SH3BGR: variants seen among roughly 807,000 people sequenced by gnomAD.
SH3BGR encodes the protein SH3 domain binding glutamate rich protein.
A neutral mutation model predicts 24.5 loss-of-function variants in SH3BGR; 29 were observed. The ratio of observed to expected loss-of-function variants is 1.18; its 90% confidence interval spans 0.88 to 1.61. The LOEUF (loss-of-function observed/expected upper bound fraction) is 1.61. Ranked by LOEUF, SH3BGR falls within the 40% of genes most tolerant of loss-of-function variation. The probability of loss-of-function intolerance (pLI) is 0.00; values close to 1 mark genes in which losing one functional copy is unlikely to be tolerated. For missense variants in SH3BGR, 162 were observed against 205.8 expected, an observed-to-expected ratio of 0.79 and a Z score of 1.30; for synonymous variants, 55 against 65.7, an observed-to-expected ratio of 0.84 and a Z score of 0.79.
At chr21:39,508,158 C>T (rs112926372) in intron 4 of SH3BGR, among the ~76,000 whole-genome samples, 13,101 of 152,186 alleles carry the variant, frequency 0.086, 821 homozygotes, top group African/African-American at 0.17. Flanking sequence ...CAGTGCCCCC[C>T]GTCCATGATT....
intron 2 of SH3BGR, among the ~76,000 whole-genome samples, chr21:39,468,080 TG>T (rs2123347768): frequency 6.6e-6 from 1 of 152,314 alleles, no homozygotes; most frequent in African/African-American, 2.4e-5. Flanking sequence ...CAAGATAGCC[TG>T]GGCCTGACTG....
chr21:39,510,908 A>AATAT (rs1340963103), intron 5 of SH3BGR, among the ~76,000 whole-genome samples: 17 of 20,262 alleles, frequency 8.4e-4, no homozygotes, highest in African/African-American at 2.2e-3. Context: ...GATTCTTCTA[A>AATAT]CTATATATAT....
intron 3 of SH3BGR, among the ~76,000 whole-genome samples, chr21:39,496,848 C>T (rs1663978098): frequency 6.6e-6 from 1 of 152,062 alleles, no homozygotes; most frequent in East Asian, 1.9e-4. Flanking sequence ...AATAAACCTG[C>T]AGTGTTCCTG....
chr21:39,467,041 T>C (rs189507510), intron 2 of SH3BGR, among the ~76,000 whole-genome samples: 12 of 152,316 alleles, frequency 7.9e-5, no homozygotes, highest in Middle Eastern at 3.4e-3. Flanking sequence ...TCATCTCATG[T>C]TTCCTTCTAG....
chr21:39,478,247 GA>G (rs1602112398), intron 3 of SH3BGR, among the ~76,000 whole-genome samples: 2 of 152,180 alleles, frequency 1.3e-5, no homozygotes, highest in East Asian at 3.8e-4. Flanking sequence ...TTTCATGCCA[GA>G]AAATGCCTTA....
rs144857905 is a variant in SH3BGR, at chr21:39,499,895, C to T, written c.385C>T (p.Pro129Ser). 4 of 1,612,736 alleles carry T rather than the reference C, an allele frequency of 2.5e-6. No individual in the cohort carries two copies. The highest frequency in any genetic ancestry group is 3.4e-6 in the Non-Finnish European group (4 of 1,178,984). Reference protein sequence around the residue: ...KEGSEDVGNLPEAQEKNEEEG... With the variant: ...KEGSEDVGNLSEAQEKNEEEG... ...GGGCAGTGAAGATGTGGGCAACCTCCCTGAAGCCCAGGAGAAGAATGTGAG... is the reference window on the plus strand; with the variant it reads ...GGGCAGTGAAGATGTGGGCAACCTCTCTGAAGCCCAGGAGAAGAATGTGAG... Residue 129 changes from proline (P) to serine (S), a missense_variant, in exon 4 of 7, where the codon CCT becomes TCT. Physicochemically the swap from Pro to Ser is moderately conservative, Grantham distance 74. Coordinates refer to ENST00000333634, the MANE Select transcript of SH3BGR (RefSeq NM_007341.3).
intron 6 of SH3BGR, among the ~76,000 whole-genome samples, chr21:39,512,260 T>TA (rs956901851): frequency 6.6e-6 from 1 of 152,090 alleles, no homozygotes; most frequent in Non-Finnish European, 1.5e-5. Flanking sequence ...ATTATAACCT[T>TA]AAAAAATCAC....
intron 3 of SH3BGR, among the ~76,000 whole-genome samples, chr21:39,485,686 C>CTTTTT (rs71330369): frequency 2.6e-5 from 3 of 116,760 alleles, no homozygotes; most frequent in Non-Finnish European, 5.4e-5. Context: ...AAGTTGTTTT[C>CTTTTT]TTTTTTTTTT....
At chr21:39,453,581 C>T (rs1042710479) in intron 1 of SH3BGR, among the ~76,000 whole-genome samples, 1 of 152,016 alleles carries the variant, frequency 6.6e-6, no homozygotes, top group Non-Finnish European at 1.5e-5. Context: ...ATTTGATGTC[C>T]TGTGTTCTTG....
In SH3BGR at chr21:39,500,124, C is replaced by T. The variant is rs142713861; in HGVS notation, c.405+209C>T. Among the ~76,000 whole-genome samples, 7 of 152,244 alleles carry T rather than the reference C, an allele frequency of 4.6e-5. No homozygotes were observed. In the East Asian group the frequency reaches 1.4e-3, roughly 29 times the overall value. ...AGGGCTAAAGGGAAGACAAAGGAGC[C>T]TGAACCCAGACCAGGAGGGAGCCGG... On this transcript the variant is annotated intron_variant, in intron 4 of 6. Transcript: ENST00000333634.
At chr21:39,470,696 A>T (rs557909965) in intron 2 of SH3BGR, among the ~76,000 whole-genome samples, 1 of 152,198 alleles carries the variant, frequency 6.6e-6, no homozygotes, top group Non-Finnish European at 1.5e-5. Flanking sequence ...TGGTTGAACA[A>T]TCAATGTTTG....
chr21:39,450,142 G>A (rs2077556900), upstream of SH3BGR, among the ~76,000 whole-genome samples: 1 of 152,162 alleles, frequency 6.6e-6, no homozygotes, highest in South Asian at 2.1e-4. Flanking sequence ...ACTTTAAGGT[G>A]TGAAAATATA....
intron 2 of SH3BGR, among the ~76,000 whole-genome samples, chr21:39,467,069 T>A (rs1372090601): frequency 6.6e-6 from 1 of 152,164 alleles, no homozygotes; most frequent in African/African-American, 2.4e-5. Context: ...CCAGGGAAAA[T>A]AAGATTTTAA....
intron 3 of SH3BGR, among the ~76,000 whole-genome samples, chr21:39,479,232 G>A (rs113649267): frequency 0.11 from 15,900 of 141,706 alleles, 936 homozygotes; most frequent in Non-Finnish European, 0.16. Context: ...AAGGGTGGTG[G>A]TGGTGGTGGT....
In SH3BGR at chr21:39,510,459, AGCTACACACACACACACACACC is replaced by A. The variant is rs1388172941; in HGVS notation, c.436-1220_436-1199del. ...ACACACACACACACACACACACTGT[AGCTACACACACACACACACACC>A]CCATCAATTTCTGGTGAATACTCTT... On this transcript the variant is annotated intron_variant, in intron 5 of 6. Coordinates refer to ENST00000333634, the MANE Select transcript of SH3BGR (RefSeq NM_007341.3). Among the ~76,000 whole-genome samples the A allele has an allele frequency of 4.6e-3, 415 of 90,156 alleles. 5 individuals are homozygous for A. Among genetic ancestry groups the A allele is most frequent in the African/African-American group, 0.017 (395 of 23,666 alleles). 59.1% of individuals were successfully genotyped at this position (90,156 alleles called of 152,430 possible).
At chr21:39,505,105 G>A (rs2078560778) in intron 4 of SH3BGR, among the ~76,000 whole-genome samples, 1 of 152,098 alleles carries the variant, frequency 6.6e-6, no homozygotes, top group Non-Finnish European at 1.5e-5. Context: ...GTGCCACCAC[G>A]CCCAGCCATT....
intron 6 of SH3BGR, 140 bp from the exon 7 acceptor site, chr21:39,514,948 A>G (rs1304732111): frequency 3.5e-6 from 1 of 289,304 alleles, no homozygotes; most frequent in African/African-American, 2.2e-5. Context: ...CTTTCCTTTC[A>G]GTGGGGAGCA....
At chr21:39,451,716 C>A, upstream of SH3BGR, 1 of 712,026 alleles carries the variant, frequency 1.4e-6, no homozygotes, top group South Asian at 1.9e-5. Flanking sequence ...ACCGGGGCCC[C>A]ACCTCCCTTG....
At chr21:39,454,759 T>G (rs776939781) in intron 1 of SH3BGR, among the ~76,000 whole-genome samples, 4 of 152,208 alleles carry the variant, frequency 2.6e-5, no homozygotes, top group Non-Finnish European at 4.4e-5. Flanking sequence ...CTTGGAAAAT[T>G]CATTCATTTA....
Sources: allele counts gnomAD v4.1 joint callset (sites outside exome capture counted in the v4.1 genomes callset), GRCh38; gene constraint gnomAD v4.1.1; transcripts MANE v1.5; gene names NCBI Gene and HGNC (gene_info 2026-07-23, HGNC 2026-07-21).